The following FAR1 variants were observed in gnomAD, a reference collection of about 807,000 sequenced individuals.
FAR1 encodes male sterility domain-containing protein 2.
A neutral mutation model predicts 61.1 loss-of-function variants in FAR1; 22 were observed. That is an observed-to-expected ratio of 0.36 (90% CI 0.26 to 0.51). FAR1 has a LOEUF of 0.51. Ranked by LOEUF, FAR1 falls within the 20% of genes least tolerant of loss-of-function variation. FAR1 has a pLI of 0.95. For synonymous variants in FAR1, 206 were observed against 209.7 expected (o/e 0.98, Z 0.15); for missense variants, 359 against 626.9 (o/e 0.57, Z 4.56).
At chr11:13,679,569 G>A (rs1197603927) in intron 1 of FAR1, among the ~76,000 whole-genome samples, 2 of 152,096 alleles carry the variant, frequency 1.3e-5, no homozygotes, top group Admixed American at 6.5e-5. Context: ...AGGCTTTATA[G>A]TAGAGAAGTT....
At position 13,729,991 on chromosome 11, in the gene FAR1, CAAGT is replaced by C. The variant is rs1054937817; in HGVS notation, c.*1220_*1223del. On this transcript the variant is annotated 3_prime_UTR_variant, in exon 12 of 12. Transcript: ENST00000354817. ...TTTAGAAAGAAATGCGTTATAGAAA[CAAGT>C]AATAGCAAGAAAATTGATGTATATT... is the stretch of plus-strand genomic sequence containing the variant. 3.3e-5 allele frequency: 5 copies of C among 152,294 alleles called. No individual in the cohort carries two copies. Among genetic ancestry groups the C allele is most frequent in the East Asian group, 1.9e-4 (1 of 5,186 alleles). 9.4% of individuals were successfully genotyped at this position (152,294 alleles called of 1,614,324 possible).
chr11:13,682,095 G>A (rs888352543), intron 1 of FAR1, among the ~76,000 whole-genome samples: 31 of 152,050 alleles, frequency 2.0e-4, no homozygotes, highest in African/African-American at 7.3e-4. Flanking sequence ...CTTGAAAAAG[G>A]CTATAGGTCA....
At chr11:13,691,038 T>G (rs184764145) in intron 1 of FAR1, among the ~76,000 whole-genome samples, 1 of 152,356 alleles carries the variant, frequency 6.6e-6, no homozygotes, top group Admixed American at 6.5e-5. Context: ...ACAAAATATC[T>G]TAGACTGGGT....
intron 1 of FAR1, among the ~76,000 whole-genome samples, chr11:13,690,314 A>G (rs1219606006): frequency 1.3e-5 from 2 of 152,078 alleles, no homozygotes; most frequent in Non-Finnish European, 2.9e-5. Context: ...TTTTCATTAT[A>G]TATATATTAC....
rs1376639339 is a variant in FAR1, at chr11:13,732,049, C to T, written c.*3275C>T. 1 of 151,694 alleles carries T rather than the reference C, an allele frequency of 6.6e-6. No individual in the cohort carries two copies. Among genetic ancestry groups the T allele is most frequent in the Non-Finnish European group, 1.5e-5 (1 of 67,978 alleles). The allele number at this position is 151,694 out of a possible 1,614,324, so 9.4% of individuals were successfully genotyped here. ...TCTGTTTTGAGAAAAACTTTCCAAACTTTTGCATGAGAAACTAGAAAAAGG... is the reference window on the plus strand; with the variant it reads ...TCTGTTTTGAGAAAAACTTTCCAAATTTTTGCATGAGAAACTAGAAAAAGG... On this transcript the variant is annotated 3_prime_UTR_variant, in exon 12 of 12. Transcript: ENST00000354817.
intron 3 of FAR1, among the ~76,000 whole-genome samples, chr11:13,705,162 CCCAAAAG>C (rs965194661): frequency 1.1e-4 from 17 of 152,010 alleles, no homozygotes; most frequent in African/African-American, 4.1e-4. Flanking sequence ...GTACCCCCCT[CCCAAAAG>C]CCTGTCTTAC....
At chr11:13,678,927 A>C (rs1416306568) in intron 1 of FAR1, among the ~76,000 whole-genome samples, 1 of 152,196 alleles carries the variant, frequency 6.6e-6, no homozygotes, top group Non-Finnish European at 1.5e-5. Flanking sequence ...AAAAATAGAA[A>C]ATACAGCATA....
rs554891596 is a variant in FAR1, at chr11:13,729,467, A to G, written c.*693A>G. 35 of 152,114 alleles carry G rather than the reference A, an allele frequency of 2.3e-4. No individual in the cohort carries two copies. The highest frequency in any genetic ancestry group is 8.4e-4 in the African/African-American group (35 of 41,568). 9.4% of individuals were successfully genotyped at this position (152,114 alleles called of 1,614,324 possible). ...GGGTTTGAGAATCCATATCAGCAAC[A>G]TACGTGTTTTTTGACAGAAAGTGAA... On this transcript the variant is annotated 3_prime_UTR_variant, in exon 12 of 12. Transcript: ENST00000354817.
At chr11:13,716,521 G>A (rs1286369218) in intron 9 of FAR1, among the ~76,000 whole-genome samples, 2 of 152,156 alleles carry the variant, frequency 1.3e-5, no homozygotes, top group Admixed American at 6.5e-5. Context: ...GGGGACTGAT[G>A]TTACTCTTTG....
At chr11:13,678,525 A>G (rs1192046418) in intron 1 of FAR1, among the ~76,000 whole-genome samples, 1 of 152,086 alleles carries the variant, frequency 6.6e-6, no homozygotes, top group African/African-American at 2.4e-5. Context: ...CGGCCTCCCA[A>G]AGTGCTGGGG....
At chr11:13,710,109 T>A (rs957558570) in intron 4 of FAR1, among the ~76,000 whole-genome samples, 4 of 152,110 alleles carry the variant, frequency 2.6e-5, no homozygotes, top group African/African-American at 4.8e-5. Flanking sequence ...GAGCATATGA[T>A]TTGCAGTGCT....
chr11:13,692,929 C>G (rs1165894084), intron 1 of FAR1, among the ~76,000 whole-genome samples: 1 of 151,952 alleles, frequency 6.6e-6, no homozygotes, highest in East Asian at 1.9e-4. Context: ...AGGTATTTTT[C>G]AAATATCTGG....
intron 9 of FAR1, among the ~76,000 whole-genome samples, chr11:13,718,536 C>G (rs982558290): frequency 2.0e-5 from 3 of 152,162 alleles, no homozygotes; most frequent in African/African-American, 7.2e-5. Flanking sequence ...ACCTCACAGG[C>G]CTTAGAGATT....
At chr11:13,691,019 G>T (rs1848243604) in intron 1 of FAR1, among the ~76,000 whole-genome samples, 1 of 152,100 alleles carries the variant, frequency 6.6e-6, no homozygotes, top group African/African-American at 2.4e-5. Context: ...TCTGTTTTGT[G>T]CTGCTATAAC....
rs564424920 is a variant in FAR1 at position 13,707,809 on chromosome 11, T to C, written c.366-91T>C. On this transcript the variant is annotated intron_variant, in intron 3 of 11. Transcript: ENST00000354817. ...TTGTAAAGAAACAAAAATTTCTCTG[T>C]CTCTCTACTTCTCTAATGAAAATGA... is the stretch of plus-strand genomic sequence containing the variant. 1.1e-5 allele frequency: 10 copies of C among 922,332 alleles called. No individual in the cohort carries two copies. In the South Asian group the frequency reaches 3.4e-4, roughly 31 times the overall value. The allele number at this position is 922,332 out of a possible 1,614,324, so 57.1% of individuals were successfully genotyped here. A position where few individuals can be genotyped will look rare whatever the true frequency, so the allele number is the denominator to read the frequency against.
rs117771857 is a variant in FAR1, at chr11:13,680,787, T to C, written c.-8+11981T>C. On this transcript the variant is annotated intron_variant, in intron 1 of 11. Transcript: ENST00000354817. ...CTCCCACCAGGCCCCACCTCCAACA[T>C]TGGGAATCAGATTTCAACATGAGAC... 3.6e-4 allele frequency among the ~76,000 whole-genome samples: 55 copies of C among 152,084 alleles called. No individual in the cohort carries two copies. The East Asian group carries it at 8.7e-3, about 24-fold the overall frequency.
intron 7 of FAR1, among the ~76,000 whole-genome samples, 172 bp from the exon 8 acceptor site, chr11:13,712,794 G>A (rs544669248): frequency 4.9e-4 from 75 of 152,090 alleles, no homozygotes; most frequent in African/African-American, 1.2e-3. Flanking sequence ...AGAAGAAAGG[G>A]TAGTTGTAAA....
chr11:13,728,562 A>AT (rs769105969), intron 11 of FAR1, 50 bp from the exon 12 acceptor site: 11 of 1,529,442 alleles, frequency 7.2e-6, no homozygotes, highest in Middle Eastern at 1.7e-4. Flanking sequence ...ATCTAACAAT[A>AT]TTTTTTTCTA....
At chr11:13,693,335 T>G (rs560142811) in intron 1 of FAR1, among the ~76,000 whole-genome samples, 2 of 152,300 alleles carry the variant, frequency 1.3e-5, no homozygotes, top group Admixed American at 6.5e-5. Flanking sequence ...TAAAATGTAT[T>G]CTGAGCGCTA....
Sources: gnomAD v4.1 joint callset for allele counts (sites outside exome capture counted in the v4.1 genomes callset) on GRCh38, gnomAD v4.1.1 for gene constraint, MANE v1.5 for transcripts, NCBI Gene and HGNC (gene_info 2026-07-23, HGNC 2026-07-21) for gene names.